Variants in SLC2A9 observed in about 807,000 individuals in gnomAD.
The protein encoded by SLC2A9 is solute carrier family 2 member 9.
A neutral mutation model predicts 50.6 loss-of-function variants in SLC2A9; 39 were observed. That is an observed-to-expected ratio of 0.77 (90% CI 0.60 to 1.01). SLC2A9 has a LOEUF of 1.01. SLC2A9 is among the 50% of genes least tolerant of loss of function. SLC2A9 has a pLI of 0.00. For synonymous variants in SLC2A9, 324 were observed against 276.9 expected (o/e 1.17, Z -1.69); for missense variants, 686 against 677.6 (o/e 1.01, Z -0.14).
intron 2 of SLC2A9, among the ~76,000 whole-genome samples, chr4:10,017,617 C>T (rs991468806): frequency 1.3e-5 from 2 of 152,224 alleles, no homozygotes; most frequent in Admixed American, 6.5e-5. Flanking sequence ...TCATGGGAAC[C>T]TTTGAAACTC....
intron 3 of SLC2A9, among the ~76,000 whole-genome samples, chr4:9,789,699 G>A (rs1719663687): frequency 1.3e-5 from 2 of 152,252 alleles, no homozygotes; most frequent in African/African-American, 4.8e-5. Context: ...CTACTCACAA[G>A]AGCAGGCAGA....
downstream of SLC2A9, among the ~76,000 whole-genome samples, chr4:9,777,012 T>A (rs915438030): frequency 4.6e-5 from 7 of 152,218 alleles, no homozygotes; most frequent in African/African-American, 1.7e-4. Flanking sequence ...TGACAACTCA[T>A]CCTGAAGCAG....
chr4:9,983,110 C>T (rs900473404), intron 4 of SLC2A9, among the ~76,000 whole-genome samples: 18 of 152,142 alleles, frequency 1.2e-4, no homozygotes, highest in South Asian at 4.1e-4. Context: ...TCAGGTGATC[C>T]GCCCGCCTCG....
At chr4:10,023,286 T>C (rs1216894356), upstream of SLC2A9, among the ~76,000 whole-genome samples, 2 of 152,148 alleles carry the variant, frequency 1.3e-5, no homozygotes, top group Non-Finnish European at 2.9e-5. Context: ...GTACAGGAGA[T>C]GGGCAGAGGA....
chr4:10,019,331 C>G, intron 1 of SLC2A9: 1 of 554,926 alleles, frequency 1.8e-6, no homozygotes, highest in East Asian at 3.0e-5. Flanking sequence ...GTGAGGATTC[C>G]TGAAACGCAG....
chr4:9,970,996 C>T (rs1404541038), intron 5 of SLC2A9, among the ~76,000 whole-genome samples: 10 of 152,120 alleles, frequency 6.6e-5, no homozygotes, highest in African/African-American at 9.7e-5. Context: ...CGTCATGTAC[C>T]GCCTGCTTGG....
At chr4:9,879,313 A>C in intron 10 of SLC2A9, 1 of 985,248 alleles carries the variant, frequency 1.0e-6, no homozygotes, top group South Asian at 4.7e-5. Flanking sequence ...TGGTTGTTGC[A>C]AGAGGGGAAA....
chr4:9,810,243 G>A (rs1307796040), intron 3 of SLC2A9, among the ~76,000 whole-genome samples: 1 of 151,896 alleles, frequency 6.6e-6, no homozygotes, highest in African/African-American at 2.4e-5. Context: ...CCGCAGTTAA[G>A]TGTTCTGTGA....
At chr4:10,018,811 G>A (rs1763095925) in intron 2 of SLC2A9, among the ~76,000 whole-genome samples, 164 bp downstream of exon 2, 1 of 152,114 alleles carries the variant, frequency 6.6e-6, no homozygotes, top group African/African-American at 2.4e-5. Flanking sequence ...ATCATTGTCT[G>A]TCTCTGTGCC....
At chr4:9,974,657 T>C (rs1754482508) in intron 5 of SLC2A9, among the ~76,000 whole-genome samples, 2 of 152,010 alleles carry the variant, frequency 1.3e-5, no homozygotes, top group African/African-American at 4.8e-5. Context: ...ACAATCAATA[T>C]CATTAAAATA....
intron 2 of SLC2A9, among the ~76,000 whole-genome samples, chr4:10,012,831 C>T (rs1037820772): frequency 2.6e-5 from 4 of 152,066 alleles, no homozygotes; most frequent in African/African-American, 9.7e-5. Flanking sequence ...ATGATGATGA[C>T]AGAGTGGTCA....
chr4:9,790,821 C>T (rs1719825309), intron 3 of SLC2A9, among the ~76,000 whole-genome samples: 1 of 152,116 alleles, frequency 6.6e-6, no homozygotes, highest in Non-Finnish European at 1.5e-5. Flanking sequence ...CGAAAAACAC[C>T]ATTGGTCTTC....
chr4:9,846,871 C>T (rs560342420), intron 10 of SLC2A9, among the ~76,000 whole-genome samples: 1 of 152,310 alleles, frequency 6.6e-6, no homozygotes, highest in South Asian at 2.1e-4. Context: ...CCCCAAATGC[C>T]TAGAAATCTC....
chr4:9,878,480 G>T (rs925405009), intron 10 of SLC2A9, among the ~76,000 whole-genome samples: 7 of 152,066 alleles, frequency 4.6e-5, no homozygotes, highest in Non-Finnish European at 8.8e-5. Context: ...TGGGGTTGAG[G>T]TGTTTCCCAG....
intron 1 of SLC2A9, among the ~76,000 whole-genome samples, chr4:10,028,636 T>C (rs1040173364): frequency 1.9e-4 from 29 of 152,214 alleles, no homozygotes; most frequent in Admixed American, 1.6e-3. Flanking sequence ...TCCTAAGTCA[T>C]GGTGCCTTCT....
At chr4:9,906,613 G>C (rs1740713613) in intron 8 of SLC2A9, among the ~76,000 whole-genome samples, 1 of 152,182 alleles carries the variant, frequency 6.6e-6, no homozygotes, top group Non-Finnish European at 1.5e-5. Flanking sequence ...TGGGTAGTAT[G>C]ATTGTAGGTA....
chr4:9,772,014 G>A (rs570323735), intron 1 of SLC2A9, among the ~76,000 whole-genome samples: 11 of 152,188 alleles, frequency 7.2e-5, no homozygotes, highest in Non-Finnish European at 1.5e-4. Flanking sequence ...TGAGGAGCTG[G>A]GAATTAGTGC....
chr4:9,941,843 G>T, intron 6 of SLC2A9, 70 bp downstream of exon 6: 1 of 1,605,490 alleles, frequency 6.2e-7, no homozygotes, highest in Non-Finnish European at 8.5e-7. Flanking sequence ...ATTGGCCCAG[G>T]TCCCAGCATG....
intron 10 of SLC2A9, among the ~76,000 whole-genome samples, chr4:9,875,416 T>C (rs10033286): frequency 6.6e-6 from 1 of 151,924 alleles, no homozygotes; most frequent in African/African-American, 2.4e-5. Flanking sequence ...TCTTTAGAAA[T>C]GTCTTCTTGT....
Sources: allele counts gnomAD v4.1 joint callset (sites outside exome capture counted in the v4.1 genomes callset), GRCh38; gene constraint gnomAD v4.1.1; transcripts MANE v1.5; gene names NCBI Gene and HGNC (gene_info 2026-07-23, HGNC 2026-07-21).